Variants in PAK3 observed in about 807,000 individuals in gnomAD.
PAK3 encodes the protein serine/threonine-protein kinase PAK 3.
In PAK3, 4 loss-of-function variants were observed where a neutral mutation model predicts 41.0. The observed-to-expected ratio is 0.10, with a 90% CI of 0.05 to 0.22. The LOEUF is 0.22. PAK3 is among the 10% of genes least tolerant of loss of function. PAK3 has a pLI of 1.00. For synonymous variants in PAK3, 146 were observed against 139.6 expected (o/e 1.05, Z -0.32); for missense variants, 205 against 409.9 (o/e 0.50, Z 4.32).
chrX:111,096,068 C>T (rs2092975263), upstream of PAK3, among the ~76,000 whole-genome samples: 1 of 111,855 alleles, frequency 8.9e-6, no homozygotes, highest in African/African-American at 3.3e-5. Flanking sequence ...GATTGGTCCC[C>T]AGTAGCCCAC....
chrX:111,097,125 G>A (rs1308826385), intron 1 of PAK3, among the ~76,000 whole-genome samples: 3 of 108,985 alleles, frequency 2.8e-5, no homozygotes, highest in African/African-American at 1.0e-4. Context: ...CAGTGTCATT[G>A]GGTCCACTGC....
intron 5 of PAK3, among the ~76,000 whole-genome samples, chrX:111,126,580 C>G (rs1248546342): frequency 9.0e-6 from 1 of 111,379 alleles, no homozygotes; most frequent in Non-Finnish European, 1.9e-5. Context: ...GGGCCAGTCA[C>G]TTGATTTCTC....
chrX:111,214,823 C>G (rs1412713011), intron 16 of PAK3, among the ~76,000 whole-genome samples: 1 of 111,288 alleles, frequency 9.0e-6, no homozygotes, highest in African/African-American at 3.3e-5. Context: ...ATAATAGAAG[C>G]TAGAGTAGAG....
intron 1 of PAK3, among the ~76,000 whole-genome samples, chrX:111,069,057 T>A (rs182996351): frequency 7.1e-5 from 8 of 111,999 alleles, no homozygotes; most frequent in Admixed American, 5.7e-4. Flanking sequence ...TTGGCTTTTT[T>A]ATATTCAGCA....
chrX:111,069,136 T>C (rs757005205), intron 1 of PAK3, among the ~76,000 whole-genome samples: 86 of 112,064 alleles, frequency 7.7e-4, no homozygotes, highest in African/African-American at 2.7e-3. Flanking sequence ...AGTCAGTTGG[T>C]CCACTTAGAG....
intron 1 of PAK3, among the ~76,000 whole-genome samples, chrX:110,970,650 G>T (rs2091187765): frequency 9.0e-6 from 1 of 111,206 alleles, no homozygotes; most frequent in African/African-American, 3.3e-5. Context: ...AATGCATGTG[G>T]GGCTTAAAAC....
At chrX:111,215,671 A>G (rs2094871918) in intron 16 of PAK3, among the ~76,000 whole-genome samples, 2 of 112,524 alleles carry the variant, frequency 1.8e-5, no homozygotes, top group Admixed American at 1.9e-4. Flanking sequence ...TGGTGGCCTT[A>G]TACCACAAAG....
At chrX:111,029,011 C>A (rs1223137061) in intron 1 of PAK3, among the ~76,000 whole-genome samples, 1 of 111,333 alleles carries the variant, frequency 9.0e-6, no homozygotes. Flanking sequence ...GTGGTGCACT[C>A]CTGTAATCCC....
chrX:111,211,772 T>A (rs1465263142), intron 16 of PAK3, among the ~76,000 whole-genome samples: 1 of 110,956 alleles, frequency 9.0e-6, no homozygotes, highest in Non-Finnish European at 1.9e-5. Flanking sequence ...TAACTGCTCT[T>A]AAGAGGAATT....
chrX:111,057,233 G>C (rs140481609), intron 1 of PAK3, among the ~76,000 whole-genome samples: 2,318 of 110,976 alleles, frequency 0.021, 57 homozygotes, highest in African/African-American at 0.071. Flanking sequence ...TAATCATCAG[G>C]GAAATGCAAA....
At chrX:110,952,474 C>T (rs776965838) in intron 1 of PAK3, among the ~76,000 whole-genome samples, 60 of 111,291 alleles carry the variant, frequency 5.4e-4, no homozygotes, top group Non-Finnish European at 7.4e-4. Context: ...CTAATACTTG[C>T]TAACTAAAGA....
At chrX:111,186,194 G>C (rs1336547802) in intron 11 of PAK3, among the ~76,000 whole-genome samples, 1 of 111,378 alleles carries the variant, frequency 9.0e-6, no homozygotes, top group Non-Finnish European at 1.9e-5. Flanking sequence ...CATACTGAAT[G>C]GGCAAAAGCT....
intron 1 of PAK3, among the ~76,000 whole-genome samples, chrX:111,065,742 T>C (rs1004177116): frequency 4.0e-4 from 45 of 111,799 alleles, no homozygotes; most frequent in African/African-American, 1.4e-3. Flanking sequence ...CTGAACTTAA[T>C]ATTAATCTTT....
chrX:111,093,358 G>A (rs1379400898), upstream of PAK3, among the ~76,000 whole-genome samples: 4 of 112,033 alleles, frequency 3.6e-5, no homozygotes, highest in East Asian at 8.4e-4. Context: ...TTTGTAACCT[G>A]AGAAGTAGGA....
chrX:110,997,930 C>T (rs770534826), intron 1 of PAK3, among the ~76,000 whole-genome samples: 12 of 111,345 alleles, frequency 1.1e-4, no homozygotes, highest in Non-Finnish European at 1.9e-4. Flanking sequence ...AAAGCGGGCC[C>T]TCACCAGACA....
At chrX:110,957,104 G>A (rs771810996) in intron 1 of PAK3, among the ~76,000 whole-genome samples, 1 of 111,990 alleles carries the variant, frequency 8.9e-6, no homozygotes, top group Non-Finnish European at 1.9e-5. Context: ...AGACCTTCAT[G>A]ATTTCTTGCC....
In PAK3 at chrX:111,224,597, G is replaced by A. The variant is rs2094944301; in HGVS notation, c.*4150G>A. ...ATATGTAGGACTGTCTCTGCCTGTT[G>A]GCATTCAGTTATAGTTCTGTTAATT... On this transcript the variant is annotated 3_prime_UTR_variant, in exon 18 of 18. Coordinates refer to ENST00000372007, the MANE Select transcript of PAK3 (RefSeq NM_002578.5). 8.9e-6 allele frequency: 1 copy of A among 112,442 alleles called. No homozygotes were observed. The highest frequency in any genetic ancestry group is 3.7e-4 in the South Asian group (1 of 2,707). The allele number at this position is 112,442 out of a possible 1,213,427, so 9.3% of individuals were successfully genotyped here. A position where few individuals can be genotyped will look rare whatever the true frequency, so the allele number is the denominator to read the frequency against.
intron 1 of PAK3, among the ~76,000 whole-genome samples, chrX:110,956,585 G>C (rs1014648929): frequency 8.9e-6 from 1 of 111,853 alleles, no homozygotes; most frequent in African/African-American, 3.2e-5. Context: ...GGCTGCTTGT[G>C]GAGAACAGCT....
intron 8 of PAK3, among the ~76,000 whole-genome samples, chrX:111,161,095 G>A (rs1468543174): frequency 1.8e-5 from 2 of 111,391 alleles, no homozygotes; most frequent in Non-Finnish European, 3.8e-5. Flanking sequence ...GTGTAAAAGT[G>A]TTCCTATTTC....
Sources: gnomAD v4.1 joint callset for allele counts (sites outside exome capture counted in the v4.1 genomes callset) on GRCh38, gnomAD v4.1.1 for gene constraint, MANE v1.5 for transcripts, NCBI Gene and HGNC (gene_info 2026-07-23, HGNC 2026-07-21) for gene names.